The following N4BP2 variants were observed in gnomAD, a reference collection of about 807,000 sequenced individuals.
N4BP2 encodes the protein NEDD4 binding protein 2, also known as NEDD4-binding protein 2.
In N4BP2, 91 loss-of-function variants were observed where a neutral mutation model predicts 152.8. The ratio of observed to expected loss-of-function variants is 0.60; its 90% CI spans 0.50 to 0.71. The LOEUF (loss-of-function observed/expected upper bound fraction) is 0.71, where lower values mean the gene tolerates loss of function less well. Ranked by LOEUF, N4BP2 falls within the 30% of genes least tolerant of loss-of-function variation. N4BP2 has a pLI of 0.00. For missense variants in N4BP2, 1,923 were observed against 2,059.1 expected (o/e 0.93, Z 1.28); for synonymous variants, 646 against 705.3 (o/e 0.92, Z 1.33).
rs1721610230 is a variant in N4BP2 at position 40,156,541 on chromosome 4, AT to A, written c.*2308del. 1 of 152,240 alleles carries A rather than the reference AT, an allele frequency of 6.6e-6. No individual in the cohort carries two copies. The highest frequency in any genetic ancestry group is 2.1e-4 in the South Asian group (1 of 4,826). The allele number at this position is 152,240 out of a possible 1,614,324, so 9.4% of individuals were successfully genotyped here. ...TCTAGCATAGTTTAAGCAACACATA[AT>A]TTTGAAAGAAAAGTTTGTAATCCCT... On this transcript the variant is annotated 3_prime_UTR_variant, in exon 18 of 18. Transcript: ENST00000261435.
chr4:40,091,491 T>C (rs1165955414), intron 2 of N4BP2, among the ~76,000 whole-genome samples: 1 of 152,152 alleles, frequency 6.6e-6, no homozygotes, highest in Non-Finnish European at 1.5e-5. Flanking sequence ...ATTTTCTGCA[T>C]TGATTGATAC....
intron 14 of N4BP2, among the ~76,000 whole-genome samples, chr4:40,139,841 T>C (rs1321674631): frequency 6.7e-6 from 1 of 149,822 alleles, no homozygotes; most frequent in Admixed American, 6.7e-5. Flanking sequence ...TTTTTTTTTT[T>C]TGAGACAGGG....
At chr4:40,159,422 G>A (rs1485671046), downstream of N4BP2, among the ~76,000 whole-genome samples, 2 of 152,144 alleles carry the variant, frequency 1.3e-5, no homozygotes, top group African/African-American at 4.8e-5. Flanking sequence ...TTTACTTGAC[G>A]CTTTTGGGAA....
At chr4:40,129,251 G>C (rs1718699854) in intron 12 of N4BP2, among the ~76,000 whole-genome samples, 1 of 151,670 alleles carries the variant, frequency 6.6e-6, no homozygotes, top group Admixed American at 6.6e-5. Context: ...TTTTGAGACA[G>C]AGTCTCGCTG....
At chr4:40,091,992 A>ATT in intron 2 of N4BP2, among the ~76,000 whole-genome samples, 2 of 98,878 alleles carry the variant, frequency 2.0e-5, no homozygotes, top group African/African-American at 7.8e-5. Context: ...AAAAAAAAAA[A>ATT]AAAAAAAAAA....
intron 1 of N4BP2, among the ~76,000 whole-genome samples, chr4:40,069,390 G>T (rs1046525921): frequency 2.0e-5 from 3 of 152,094 alleles, no homozygotes; most frequent in African/African-American, 7.2e-5. Flanking sequence ...TTGCACCACT[G>T]CACGAAAGAG....
downstream of N4BP2, among the ~76,000 whole-genome samples, chr4:40,161,017 A>G (rs1721844887): frequency 6.6e-6 from 1 of 152,208 alleles, no homozygotes; most frequent in East Asian, 1.9e-4. Context: ...GACTGCAAGG[A>G]ATATTGTCTT....
At chr4:40,061,142 G>C (rs1357091747) in intron 1 of N4BP2, among the ~76,000 whole-genome samples, 1 of 151,646 alleles carries the variant, frequency 6.6e-6, no homozygotes, top group African/African-American at 2.4e-5. Flanking sequence ...CTTTATGCAA[G>C]CCCCAGATTT....
intron 16 of N4BP2, among the ~76,000 whole-genome samples, chr4:40,147,595 C>A (rs1040675950): frequency 1.3e-5 from 2 of 150,426 alleles, no homozygotes; most frequent in African/African-American, 2.4e-5. Flanking sequence ...GCTGACCCCC[C>A]CACCTCCCTC....
chr4:40,148,707 C>G (rs1459428420), intron 16 of N4BP2, among the ~76,000 whole-genome samples: 1 of 151,990 alleles, frequency 6.6e-6, no homozygotes, highest in African/African-American at 2.4e-5. Context: ...TTAGACTGGT[C>G]TCGAACTTCT....
chr4:40,073,802 G>GTT (rs913582046), intron 2 of N4BP2, among the ~76,000 whole-genome samples: 1 of 151,014 alleles, frequency 6.6e-6, no homozygotes, highest in Admixed American at 6.6e-5. Context: ...TTTTTGTTTT[G>GTT]TTTTTTTGAG....
Position 40,142,731 on chromosome 4 carries a change from A to G in N4BP2, c.4844A>G (p.Glu1615Gly), listed in dbSNP as rs779482086. The G allele has an allele frequency of 7.9e-5, 127 of 1,613,956 alleles. No homozygotes were observed. The South Asian group carries it at 1.3e-3, about 17-fold the overall frequency. ...TPSELSFQDF[E>G]YPDYDDYRAE... ...AGTGAACTGTCTTTCCAGGACTTTG[A>G]GTACCCAGACTATGATGACTACAGA... The change falls in exon 15 of 18, where the codon GAG becomes GGG. Residue 1615 changes from glutamate to glycine, a missense_variant. By Grantham distance (98) the Glu-to-Gly change is moderately conservative. Coordinates refer to ENST00000261435, the MANE Select transcript of N4BP2 (RefSeq NM_018177.6).
intron 4 of N4BP2, 151 bp downstream of exon 4, chr4:40,103,369 C>A: frequency 1.6e-6 from 1 of 609,050 alleles, no homozygotes; most frequent in Non-Finnish European, 2.8e-6. Context: ...CTTTGTGTAG[C>A]TAATAACACT....
At chr4:40,153,003 G>T (rs917691591) in intron 17 of N4BP2, 100 bp downstream of exon 17, 50 of 1,121,796 alleles carry the variant, frequency 4.5e-5, no homozygotes, top group Admixed American at 1.9e-4. Context: ...AATAGCAATA[G>T]CCCTAATATA....
rs148673587 is a variant in N4BP2, at chr4:40,108,218, G to A, written c.1498+1194G>A. ...GAAAGTCCTGGGATTACAGGTTTGA[G>A]CCACCATGCCCAGCCTGGTTACTGC... is the stretch of plus-strand genomic sequence containing the variant. On this transcript the variant is annotated intron_variant, in intron 5 of 17. Coordinates refer to ENST00000261435, the MANE Select transcript of N4BP2 (RefSeq NM_018177.6). Among the ~76,000 whole-genome samples, 40 of 152,276 alleles carry A rather than the reference G, an allele frequency of 2.6e-4. 1 individual carries two copies. In the East Asian group the frequency reaches 7.5e-3, roughly 29 times the overall value.
intron 1 of N4BP2, among the ~76,000 whole-genome samples, chr4:40,069,916 TA>T (rs1711974911): frequency 6.6e-6 from 1 of 152,016 alleles, no homozygotes. Context: ...CCCTGTCTCT[TA>T]AAAAAACAAA....
chr4:40,160,043 T>C (rs371623688), downstream of N4BP2, among the ~76,000 whole-genome samples: 299 of 152,080 alleles, frequency 2.0e-3, no homozygotes, highest in African/African-American at 6.8e-3. Context: ...TGGTCTCGAA[T>C]TCCTGATCTT....
intron 16 of N4BP2, among the ~76,000 whole-genome samples, chr4:40,147,334 A>G (rs921643297): frequency 6.6e-6 from 1 of 152,260 alleles, no homozygotes; most frequent in Non-Finnish European, 1.5e-5. Context: ...CACAGCGACC[A>G]TCCGATTTCT....
chr4:40,092,185 G>A (rs541994915), intron 2 of N4BP2, among the ~76,000 whole-genome samples: 1 of 149,440 alleles, frequency 6.7e-6, no homozygotes, highest in Non-Finnish European at 1.5e-5. Flanking sequence ...TGGATTGGAA[G>A]TGCTTTCTTA....
Sources: gnomAD v4.1 joint callset for allele counts (sites outside exome capture counted in the v4.1 genomes callset) on GRCh38, gnomAD v4.1.1 for gene constraint, MANE v1.5 for transcripts, NCBI Gene and HGNC (gene_info 2026-07-23, HGNC 2026-07-21) for gene names.